FAM184B: variants seen among roughly 807,000 people sequenced by gnomAD.
FAM184B encodes the protein protein FAM184B.
A neutral mutation model predicts 135.9 loss-of-function variants in FAM184B; 111 were observed. The observed-to-expected ratio is 0.82, with a 90% confidence interval of 0.70 to 0.96. The LOEUF (loss-of-function observed/expected upper bound fraction) is 0.96, where lower values mean the gene tolerates loss of function less well. Ranked by LOEUF, FAM184B falls within the 40% of genes least tolerant of loss-of-function variation. FAM184B has a pLI of 0.00. For synonymous variants in FAM184B, 552 were observed against 524.8 expected (o/e 1.05, Z -0.71); for missense variants, 1,375 against 1,323.9 (o/e 1.04, Z -0.60).
chr4:17,765,531 CT>C (rs945055327), intron 1 of FAM184B, among the ~76,000 whole-genome samples: 1 of 149,940 alleles, frequency 6.7e-6, no homozygotes, highest in African/African-American at 2.5e-5. Flanking sequence ...TTTCACAGTT[CT>C]TAGCAGCATA....
At chr4:17,733,933 C>T (rs1422346628) in intron 1 of FAM184B, among the ~76,000 whole-genome samples, 2 of 152,246 alleles carry the variant, frequency 1.3e-5, no homozygotes, top group East Asian at 1.9e-4. Context: ...CCAAACTATA[C>T]TACAAGGCTA....
rs1020387496 is a variant in FAM184B at position 17,711,172 on chromosome 4, G to A, written c.142-1528C>T. 4.6e-5 allele frequency among the ~76,000 whole-genome samples: 7 copies of A among 151,836 alleles called. No individual in the cohort carries two copies. The East Asian group carries it at 1.2e-3, about 25-fold the overall frequency. On this transcript the variant is annotated intron_variant, in intron 1 of 17. Transcript: ENST00000265018. ...TTTTGAGACCAGCCTGGGCAGTGTA[G>A]GGAGACTCTGTCTCTACCAAAAAAA...
At chr4:17,681,012 A>G (rs1716421729) in intron 7 of FAM184B, among the ~76,000 whole-genome samples, 1 of 152,232 alleles carries the variant, frequency 6.6e-6, no homozygotes, top group African/African-American at 2.4e-5. Context: ...AGGGGACTGT[A>G]ATAGATACTA....
chr4:17,752,929 T>C (rs918957109), intron 1 of FAM184B, among the ~76,000 whole-genome samples: 3 of 152,228 alleles, frequency 2.0e-5, no homozygotes, highest in African/African-American at 7.2e-5. Context: ...GTTTCTCTCT[T>C]AACCTCCACT....
intron 1 of FAM184B, among the ~76,000 whole-genome samples, chr4:17,744,492 A>ACACACACAC (rs1718116518): frequency 8.7e-6 from 1 of 115,112 alleles, no homozygotes. Context: ...CACACACACC[A>ACACACACAC]CACACACACA....
At chr4:17,697,362 G>A (rs1489836521) in intron 5 of FAM184B, among the ~76,000 whole-genome samples, 1 of 152,008 alleles carries the variant, frequency 6.6e-6, no homozygotes, top group African/African-American at 2.4e-5. Flanking sequence ...GTGACTCTGG[G>A]GAGGCCCTTA....
intron 1 of FAM184B, among the ~76,000 whole-genome samples, chr4:17,733,922 A>G: frequency 6.6e-6 from 1 of 152,112 alleles, no homozygotes; most frequent in Non-Finnish European, 1.5e-5. Flanking sequence ...TACCTGACTT[A>G]CCAAACTATA....
At chr4:17,780,641 T>C (rs740672) in intron 1 of FAM184B, among the ~76,000 whole-genome samples, 37,517 of 151,968 alleles carry the variant, frequency 0.25, 4,755 homozygotes, top group South Asian at 0.32. Context: ...TTTATGCTCC[T>C]ACACACGTCT....
chr4:17,710,854 AT>A (rs556156332), intron 1 of FAM184B, among the ~76,000 whole-genome samples: 133 of 152,310 alleles, frequency 8.7e-4, no homozygotes, highest in African/African-American at 3.1e-3. Flanking sequence ...GGGAAGTCTA[AT>A]TTGGACATAG....
chr4:17,781,484 GC>G lies in FAM184B; in HGVS notation c.-186del, dbSNP rs1560200471. The G allele has an allele frequency of 1.5e-6, 1 of 688,648 alleles. No homozygotes were observed. Among genetic ancestry groups the G allele is most frequent in the East Asian group, 3.4e-5 (1 of 29,204 alleles). The allele number at this position is 688,648 out of a possible 1,614,324, so 42.7% of individuals were successfully genotyped here. A position where few individuals can be genotyped will look rare whatever the true frequency, so the allele number is the denominator to read the frequency against. On this transcript the variant is annotated 5_prime_UTR_variant, in exon 1 of 18. Transcript: ENST00000265018. This position sits in a 1 kb window ranked among gnomAD's most constrained non-coding sequence, Gnocchi z 6.5. ...CTCCGCCTCCCGGGCCCACCCGCGC[GC>G]CCACCCTTTTTCCTCTCCTGCTGGT...
intron 1 of FAM184B, among the ~76,000 whole-genome samples, chr4:17,737,006 A>G (rs1375245957): frequency 1.3e-5 from 2 of 152,146 alleles, no homozygotes; most frequent in East Asian, 1.9e-4. Context: ...TTAGCTGAGT[A>G]TGGTGGCAGG....
At chr4:17,744,493 CACACA>C (rs1718116681) in intron 1 of FAM184B, among the ~76,000 whole-genome samples, 3 of 57,022 alleles carry the variant, frequency 5.3e-5, no homozygotes, top group African/African-American at 1.0e-4. Flanking sequence ...ACACACACCA[CACACA>C]CACACACACA....
Position 17,704,983 on chromosome 4 carries a change from A to G in FAM184B, c.1377+17T>C, listed in dbSNP as rs955163886. 3.9e-6 allele frequency: 6 copies of G among 1,548,610 alleles called. No individual in the cohort carries two copies. The Admixed American group carries it at 9.9e-5, about 26-fold the overall frequency. ...AGAAAAAAGAACCAGAACAGTCTCT[A>G]TGGAAGTAGGTCTCACCCTCTGCAG... On this transcript the variant is annotated intron_variant, in intron 5 of 17. Coordinates refer to ENST00000265018, the MANE Select transcript of FAM184B (RefSeq NM_015688.2).
chr4:17,654,514 G>A (rs1030751907), intron 10 of FAM184B, among the ~76,000 whole-genome samples: 7 of 152,196 alleles, frequency 4.6e-5, no homozygotes, highest in African/African-American at 1.7e-4. Flanking sequence ...TTTCAACAGA[G>A]CAGGAAACTG....
intron 7 of FAM184B, among the ~76,000 whole-genome samples, chr4:17,671,717 ACT>A (rs777111594): frequency 5.9e-5 from 9 of 152,076 alleles, no homozygotes; most frequent in Non-Finnish European, 1.3e-4. Flanking sequence ...AATAAAAATA[ACT>A]CTGATAGAGT....
intron 1 of FAM184B, among the ~76,000 whole-genome samples, chr4:17,742,153 TATATATATA>T (rs1219346432): frequency 0.041 from 3,304 of 81,410 alleles, 68 homozygotes; most frequent in Non-Finnish European, 0.054. Flanking sequence ...TATATATATA[TATATATATA>T]TATATATTTT....
At chr4:17,645,218 T>C (rs1039714245) in intron 12 of FAM184B, among the ~76,000 whole-genome samples, 1 of 152,144 alleles carries the variant, frequency 6.6e-6, no homozygotes, top group Non-Finnish European at 1.5e-5. Flanking sequence ...CTTCACAGAA[T>C]TGGAAAAAAC....
At chr4:17,770,567 G>T (rs974377486) in intron 1 of FAM184B, among the ~76,000 whole-genome samples, 7 of 152,088 alleles carry the variant, frequency 4.6e-5, no homozygotes, top group African/African-American at 1.7e-4. Context: ...GGGTTCAAGT[G>T]ATTCTCCTGC....
Position 17,709,412 on chromosome 4 carries a change from C to A in FAM184B, c.374G>T (p.Cys125Phe). 1 of 1,518,584 alleles carries A rather than the reference C, an allele frequency of 6.6e-7. No homozygotes were observed. The highest frequency in any genetic ancestry group is 8.9e-7 in the Non-Finnish European group (1 of 1,127,614). The allele number at this position is 1,518,584 out of a possible 1,614,324, so 94.1% of individuals were successfully genotyped here. A position where few individuals can be genotyped will look rare whatever the true frequency, so the allele number is the denominator to read the frequency against. ...CTCTCTCTCCTTCGTCTCCAGCCTG[C>A]ACGAGGCCGACTCAGCCAGCGCCTC... ...TEEALAESASCRLETKERELR... is the reference protein window; with the variant it reads ...TEEALAESASFRLETKERELR... The change falls in exon 2 of 18, where the codon TGC becomes TTC. Residue 125 changes from cysteine to phenylalanine, a missense_variant. Transcript: ENST00000265018.
Sources: gnomAD v4.1 joint callset for allele counts (sites outside exome capture counted in the v4.1 genomes callset) on GRCh38, gnomAD v4.1.1 for gene constraint, Gnocchi (gnomAD v3.1) non-coding constraint, MANE v1.5 for transcripts, NCBI Gene and HGNC (gene_info 2026-07-23, HGNC 2026-07-21) for gene names.